Variants in CGNL1 observed in about 807,000 individuals in gnomAD.
CGNL1 encodes the protein cingulin like 1.
Under a neutral mutation model 141.2 loss-of-function variants are expected in CGNL1, and 132 were observed. That is an observed-to-expected ratio of 0.93 (90% CI 0.81 to 1.08). The LOEUF is 1.08. Ranked by LOEUF, CGNL1 falls within the 50% of genes least tolerant of loss-of-function variation. CGNL1 has a pLI of 0.00. For synonymous variants in CGNL1, 690 were observed against 622.1 expected (o/e 1.11, Z -1.63); for missense variants, 1,870 against 1,588.6 (o/e 1.18, Z -3.01).
At chr15:57,450,466 G>A (rs1327789865) in intron 4 of CGNL1, among the ~76,000 whole-genome samples, 1 of 152,126 alleles carries the variant, frequency 6.6e-6, no homozygotes, top group East Asian at 1.9e-4. Flanking sequence ...TAGCAGAGAT[G>A]GGGTTTCACC....
At position 57,394,450 on chromosome 15, in the gene CGNL1, T is replaced by C. The variant is rs2062580738; in HGVS notation, c.-16+17883T>C. 2.0e-5 allele frequency among the ~76,000 whole-genome samples: 3 copies of C among 152,274 alleles called. No homozygotes were observed. In the South Asian group the frequency reaches 6.2e-4, roughly 32 times the overall value. ...TATTTGGTTTTTATAGTAACGCTAT[T>C]GATTCCATTTTTACCAAGGAACTGA... On this transcript the variant is annotated intron_variant, in intron 1 of 18. Coordinates refer to ENST00000281282, the MANE Select transcript of CGNL1 (RefSeq NM_032866.5).
At chr15:57,407,628 G>A (rs1476623024) in intron 1 of CGNL1, among the ~76,000 whole-genome samples, 2 of 152,108 alleles carry the variant, frequency 1.3e-5, no homozygotes, top group African/African-American at 4.8e-5. Flanking sequence ...AACTGTGATT[G>A]TGCCACCACA....
At chr15:57,468,234 C>CTTTTTTTTTTT (rs57360097) in intron 8 of CGNL1, among the ~76,000 whole-genome samples, 8 of 85,912 alleles carry the variant, frequency 9.3e-5, no homozygotes, top group African/African-American at 4.0e-4. Flanking sequence ...TTTTCTTTTT[C>CTTTTTTTTTTT]TTTTTTTTTT....
chr15:57,449,703 G>T (rs2063298817), intron 4 of CGNL1, among the ~76,000 whole-genome samples: 1 of 152,152 alleles, frequency 6.6e-6, no homozygotes, highest in Non-Finnish European at 1.5e-5. Flanking sequence ...AAAATCCTGT[G>T]TGTTCTGCCT....
intron 12 of CGNL1, chr15:57,527,835 G>C (rs2031708202): frequency 6.6e-6 from 1 of 152,222 alleles, no homozygotes; most frequent in South Asian, 2.1e-4. Flanking sequence ...TCAGTTGTGT[G>C]TTCTTTTTCA....
chr15:57,443,420 C>A (rs2063214332), intron 4 of CGNL1, among the ~76,000 whole-genome samples: 1 of 152,330 alleles, frequency 6.6e-6, no homozygotes, highest in Admixed American at 6.5e-5. Context: ...TCTTCCTTTC[C>A]CCTCCCAGGG....
At chr15:57,387,123 C>T (rs1285618898) in intron 1 of CGNL1, among the ~76,000 whole-genome samples, 5 of 152,104 alleles carry the variant, frequency 3.3e-5, no homozygotes, top group African/African-American at 9.7e-5. Flanking sequence ...CCTGCGAGCC[C>T]GCTCATCTAT....
In CGNL1 at chr15:57,439,272, T is replaced by A. The variant is rs2063151538; in HGVS notation, c.1273T>A (p.Cys425Ser). The change falls in exon 2 of 19, where the codon TGC (cysteine) becomes AGC (serine). Residue 425 changes from cysteine to serine, a missense_variant. By Grantham distance (112) the Cys-to-Ser change is moderately radical. Coordinates refer to ENST00000281282, the MANE Select transcript of CGNL1 (RefSeq NM_032866.5). ...SEHLLRPSQV[C>S]PQRPLSQERR... The stretch of plus-strand genomic sequence containing the variant: ...ACACCTCCTCCGGCCTTCCCAGGTG[T>A]GCCCGCAGCGGCCACTGTCTCAGGA... The A allele has an allele frequency of 6.2e-7, 1 of 1,613,954 alleles. No homozygotes were observed.
intron 8 of CGNL1, among the ~76,000 whole-genome samples, chr15:57,515,861 T>G (rs2030731208): frequency 1.3e-5 from 2 of 151,934 alleles, no homozygotes; most frequent in South Asian, 4.2e-4. Flanking sequence ...CTCAAGAGCT[T>G]CTATTAAAGA....
At chr15:57,526,671 A>G (rs751505454) in intron 12 of CGNL1, among the ~76,000 whole-genome samples, 3 of 152,076 alleles carry the variant, frequency 2.0e-5, no homozygotes, top group Non-Finnish European at 4.4e-5. Context: ...GATTTTAACT[A>G]CTTAAAGGTA....
rs1423419455 is a variant in CGNL1 at position 57,438,674 on chromosome 15, G to A, written c.675G>A (p.Glu225=). The change falls in exon 2 of 19, where the codon GAG becomes GAA. Residue 225 remains glutamate (E), a synonymous_variant. Transcript: ENST00000281282. ...GTTTATGCAGCTCCGTGGTCATAGA[G>A]GACCCCAAAAAGCAGACCTCAGTGT... ...AIRLCSSVVI[E]DPKKQTSVCV... is the part of the protein sequence containing the mutation. 9 of 1,614,038 alleles carry A rather than the reference G, an allele frequency of 5.6e-6. No homozygotes were observed. Among genetic ancestry groups the A allele is most frequent in the South Asian group, 5.5e-5 (5 of 91,082 alleles).
At chr15:57,484,003 GTTAAGGAT>G (rs1195889342) in intron 8 of CGNL1, among the ~76,000 whole-genome samples, 3 of 151,958 alleles carry the variant, frequency 2.0e-5, no homozygotes, top group African/African-American at 7.2e-5. Context: ...CTTGTATTTT[GTTAAGGAT>G]TCTTGTGTCT....
intron 1 of CGNL1, among the ~76,000 whole-genome samples, chr15:57,401,457 C>T (rs1016079857): frequency 1.3e-5 from 2 of 152,120 alleles, no homozygotes; most frequent in East Asian, 3.8e-4. Context: ...TTAAAAAGTT[C>T]CCAAGTGATT....
At chr15:57,505,041 A>T (rs776948228) in intron 8 of CGNL1, among the ~76,000 whole-genome samples, 1 of 152,074 alleles carries the variant, frequency 6.6e-6, no homozygotes, top group East Asian at 1.9e-4. Flanking sequence ...AGGGGGTGGC[A>T]TTTTATTCTC....
In CGNL1 at chr15:57,547,835, C is replaced by G. The variant is rs538165828; in HGVS notation, c.*345C>G. The G allele has an allele frequency of 1.2e-5, 3 of 260,236 alleles. No homozygotes were observed. Among genetic ancestry groups the G allele is most frequent in the Non-Finnish European group, 2.2e-5 (3 of 137,764 alleles). The allele number at this position is 260,236 out of a possible 1,614,324, so 16.1% of individuals were successfully genotyped here. ...ACTCCCCCTGCCAAGACAAAGGGTC[C>G]AGAAGGCTAGGACTTACTTAATAGC... is the stretch of plus-strand genomic sequence containing the variant. On this transcript the variant is annotated 3_prime_UTR_variant, in exon 19 of 19. Coordinates refer to ENST00000281282, the MANE Select transcript of CGNL1 (RefSeq NM_032866.5).
At chr15:57,405,617 G>C (rs1228434209) in intron 1 of CGNL1, among the ~76,000 whole-genome samples, 3 of 152,158 alleles carry the variant, frequency 2.0e-5, no homozygotes. Context: ...ATCCTGAGAA[G>C]GCAGTTCATT....
chr15:57,545,563 G>C (rs1286572036), intron 16 of CGNL1, 29 bp from the exon 17 acceptor site: 9 of 1,595,806 alleles, frequency 5.6e-6, no homozygotes, highest in Non-Finnish European at 6.0e-6. Flanking sequence ...GGAGTGAGAG[G>C]GTTCTTGGTT....
In CGNL1 at chr15:57,516,845, C is replaced by T. The variant is rs200873553; in HGVS notation, c.2469C>T (p.Arg823=). The T allele has an allele frequency of 1.2e-4, 189 of 1,614,088 alleles. No individual in the cohort carries two copies. The highest frequency in any genetic ancestry group is 3.3e-4 in the Middle Eastern group (2 of 6,040). ...SEQDQAGTEM[R]VKLLQEENEK... Reference sequence around the variant, plus strand: ...AAGACCAGGCGGGGACTGAAATGCGCGTGAAGCTTCTGCAGGAGGAGAATG... The same window carrying T: ...AAGACCAGGCGGGGACTGAAATGCGTGTGAAGCTTCTGCAGGAGGAGAATG... Residue 823 remains arginine (R), a synonymous_variant, in exon 9 of 19, where the codon CGC becomes CGT. Transcript: ENST00000281282.
chr15:57,479,818 G>T (rs2063703239), intron 8 of CGNL1, among the ~76,000 whole-genome samples: 2 of 152,168 alleles, frequency 1.3e-5, no homozygotes, highest in Admixed American at 1.3e-4. Context: ...AAGGGATAGT[G>T]AGAAGATGGG....
Sources: allele counts gnomAD v4.1 joint callset (sites outside exome capture counted in the v4.1 genomes callset), GRCh38; gene constraint gnomAD v4.1.1; transcripts MANE v1.5; gene names NCBI Gene and HGNC (gene_info 2026-07-23, HGNC 2026-07-21).